Variants in SH3RF2 observed in about 807,000 individuals in gnomAD.
SH3RF2 encodes E3 ubiquitin-protein ligase SH3RF2.
Under a neutral mutation model 59.0 loss-of-function variants are expected in SH3RF2, and 43 were observed. That is an observed-to-expected ratio of 0.73 (90% CI 0.57 to 0.94). SH3RF2 has a LOEUF of 0.94. Among genes scored for constraint, SH3RF2 ranks in the 40% least tolerant of loss-of-function variants. The probability of loss-of-function intolerance (pLI) is 0.00; values close to 1 mark genes in which losing one functional copy is unlikely to be tolerated. For missense variants in SH3RF2, 930 were observed against 940.1 expected, an observed-to-expected ratio of 0.99 and a Z score of 0.14; for synonymous variants, 391 against 391.5, an observed-to-expected ratio of 1.00 and a Z score of 0.01.
At chr5:145,990,800 A>T (rs1320743971) in intron 2 of SH3RF2, among the ~76,000 whole-genome samples, 1 of 152,192 alleles carries the variant, frequency 6.6e-6, no homozygotes, top group Non-Finnish European at 1.5e-5. Context: ...TGACTGTGAG[A>T]TCTCCACACA....
At chr5:145,945,092 A>G (rs1249448138) in intron 2 of SH3RF2, among the ~76,000 whole-genome samples, 3 of 152,202 alleles carry the variant, frequency 2.0e-5, no homozygotes, top group Non-Finnish European at 4.4e-5. Flanking sequence ...AGGGATATTG[A>G]TATTGATTTT....
At chr5:145,997,732 A>C in intron 2 of SH3RF2, 1 of 1,574,412 alleles carries the variant, frequency 6.4e-7, no homozygotes, top group Non-Finnish European at 8.7e-7. Context: ...CAAATTTTTG[A>C]AGCAGTTAAA....
At chr5:145,976,131 G>C (rs1759284263) in intron 2 of SH3RF2, among the ~76,000 whole-genome samples, 1 of 152,166 alleles carries the variant, frequency 6.6e-6, no homozygotes, top group East Asian at 1.9e-4. Context: ...CAATAGAGAA[G>C]CCACTTCACA....
At chr5:145,978,984 A>C (rs1759407357) in intron 2 of SH3RF2, among the ~76,000 whole-genome samples, 1 of 152,178 alleles carries the variant, frequency 6.6e-6, no homozygotes, top group Admixed American at 6.5e-5. Context: ...TCCTGTGCTC[A>C]TACTTCTGGG....
chr5:146,055,580 GA>G (rs1228344188), intron 7 of SH3RF2, among the ~76,000 whole-genome samples: 2 of 152,174 alleles, frequency 1.3e-5, no homozygotes, highest in Non-Finnish European at 2.9e-5. Context: ...TGGAATTTGT[GA>G]AAAAGTCACT....
downstream of SH3RF2, among the ~76,000 whole-genome samples, chr5:146,067,972 G>A (rs536719276): frequency 8.1e-4 from 123 of 152,312 alleles, no homozygotes; most frequent in Admixed American, 1.4e-3. Flanking sequence ...AGGACCCAGA[G>A]AGGTCACTCA....
At chr5:146,008,238 C>A (rs1357745662) in intron 4 of SH3RF2, among the ~76,000 whole-genome samples, 1 of 152,160 alleles carries the variant, frequency 6.6e-6, no homozygotes, top group Admixed American at 6.6e-5. Context: ...TCTAAGAGAC[C>A]TGCAATTCTT....
In SH3RF2 at chr5:146,059,849, G is replaced by A. The variant is rs536851657; in HGVS notation, c.1556-17G>A. 48 of 1,441,158 alleles carry A rather than the reference G, an allele frequency of 3.3e-5. No homozygotes were observed. In the African/African-American group the frequency reaches 5.9e-4, roughly 18 times the overall value. The allele number at this position is 1,441,158 out of a possible 1,614,324, so 89.3% of individuals were successfully genotyped here. On this transcript the variant is annotated splice_polypyrimidine_tract_variant and intron_variant, in intron 8 of 9. Coordinates refer to ENST00000359120, the MANE Select transcript of SH3RF2 (RefSeq NM_152550.4). The stretch of plus-strand genomic sequence containing the variant: ...AGCCGCCCCTGCTGCTGATCTCTCT[G>A]TCCTATAATTCCCCAGATGGATCCC...
At chr5:146,023,626 T>C (rs1260362335) in intron 5 of SH3RF2, among the ~76,000 whole-genome samples, 3 of 152,212 alleles carry the variant, frequency 2.0e-5, no homozygotes, top group Non-Finnish European at 4.4e-5. Flanking sequence ...TGGTTTGAGT[T>C]TTTTTAAGTG....
chr5:146,038,904 A>G (rs923520104), intron 5 of SH3RF2, among the ~76,000 whole-genome samples: 2 of 152,232 alleles, frequency 1.3e-5, no homozygotes, highest in Admixed American at 1.3e-4. Context: ...AATTGGACTT[A>G]CCCAATCAGA....
At chr5:146,057,562 T>C (rs1461648327) in intron 8 of SH3RF2, among the ~76,000 whole-genome samples, 1 of 152,250 alleles carries the variant, frequency 6.6e-6, no homozygotes, top group Admixed American at 6.5e-5. Context: ...TAGTTTTTTA[T>C]AGTATTTTTT....
At chr5:145,986,779 G>T (rs549826117) in intron 2 of SH3RF2, among the ~76,000 whole-genome samples, 2 of 152,270 alleles carry the variant, frequency 1.3e-5, no homozygotes, top group African/African-American at 4.8e-5. Flanking sequence ...TCACCTCAAA[G>T]AAATCTCAGG....
chr5:145,975,398 G>A (rs1759250643), intron 2 of SH3RF2, among the ~76,000 whole-genome samples: 1 of 152,208 alleles, frequency 6.6e-6, no homozygotes, highest in Non-Finnish European at 1.5e-5. Flanking sequence ...TCTTAGAGGG[G>A]CAGCTGCAGA....
chr5:146,071,480 A>G (rs1384112851), intron 9 of SH3RF2, among the ~76,000 whole-genome samples: 1 of 152,244 alleles, frequency 6.6e-6, no homozygotes, highest in Non-Finnish European at 1.5e-5. Flanking sequence ...TCTGTTCTGC[A>G]CATTCTATTT....
intron 2 of SH3RF2, among the ~76,000 whole-genome samples, chr5:145,969,466 A>G (rs1561715846): frequency 6.6e-6 from 1 of 152,228 alleles, no homozygotes; most frequent in Non-Finnish European, 1.5e-5. Flanking sequence ...ATACCCCTGC[A>G]TCACTGAGTG....
intron 2 of SH3RF2, among the ~76,000 whole-genome samples, chr5:145,957,799 G>A (rs1303110620): frequency 2.0e-5 from 3 of 151,848 alleles, no homozygotes; most frequent in Non-Finnish European, 4.4e-5. Context: ...TTCAGGCAGG[G>A]GAAACATCAC....
intron 2 of SH3RF2, among the ~76,000 whole-genome samples, chr5:145,944,554 A>T (rs1757942338): frequency 6.6e-6 from 1 of 152,118 alleles, no homozygotes; most frequent in Non-Finnish European, 1.5e-5. Context: ...TGTACTTTAG[A>T]CCAGCCTTTC....
chr5:146,015,754 G>A (rs1034067885), intron 5 of SH3RF2, among the ~76,000 whole-genome samples: 2 of 152,168 alleles, frequency 1.3e-5, no homozygotes, highest in African/African-American at 2.4e-5. Flanking sequence ...TTATTACTTC[G>A]TAGTTTTCAC....
intron 2 of SH3RF2, among the ~76,000 whole-genome samples, chr5:145,968,473 T>C (rs1185206119): frequency 6.6e-6 from 1 of 152,212 alleles, no homozygotes; most frequent in Non-Finnish European, 1.5e-5. Flanking sequence ...TTAACAATTA[T>C]GTCTATATGT....
Sources: allele counts gnomAD v4.1 joint callset (sites outside exome capture counted in the v4.1 genomes callset), GRCh38; gene constraint gnomAD v4.1.1; transcripts MANE v1.5; gene names NCBI Gene and HGNC (gene_info 2026-07-23, HGNC 2026-07-21).